LYPLAL1: variants seen among roughly 807,000 people sequenced by gnomAD.
The protein encoded by LYPLAL1 is lysophospholipase-like protein 1.
In LYPLAL1, 23 loss-of-function variants were observed where a neutral mutation model predicts 19.7. That is an observed-to-expected ratio of 1.17 (90% confidence interval 0.84 to 1.65). The LOEUF (loss-of-function observed/expected upper bound fraction) is 1.65, where lower values mean the gene tolerates loss of function less well. LYPLAL1 is among the 40% of genes most tolerant of loss of function. LYPLAL1 has a pLI of 0.00. For synonymous variants in LYPLAL1, 119 were observed against 96.3 expected (o/e 1.24, Z -1.38); for missense variants, 355 against 279.4 (o/e 1.27, Z -1.93).
chr1:219,385,996 G>T, the LYPLAL1 span, among the ~76,000 whole-genome samples: 1 of 152,134 alleles, frequency 6.6e-6, no homozygotes, highest in Admixed American at 6.5e-5. Context: ...ACTATCACCT[G>T]TGTGGTGAGA....
intron 3 of LYPLAL1, among the ~76,000 whole-genome samples, chr1:219,198,298 A>G (rs1657779419): frequency 6.6e-6 from 1 of 152,070 alleles, no homozygotes; most frequent in African/African-American, 2.4e-5. Context: ...AAAAAAAACT[A>G]TTATTAAACA....
chr1:219,309,040 C>T, the LYPLAL1 span, among the ~76,000 whole-genome samples: 1 of 152,190 alleles, frequency 6.6e-6, no homozygotes, highest in Admixed American at 6.5e-5. Context: ...CGGAATTGCC[C>T]AAGACCATGG....
the LYPLAL1 span, among the ~76,000 whole-genome samples, chr1:219,297,333 G>A: frequency 6.6e-6 from 1 of 152,164 alleles, no homozygotes; most frequent in Non-Finnish European, 1.5e-5. Flanking sequence ...AAGACTGATT[G>A]AATTCTTAGT....
At chr1:219,309,864 A>C in the LYPLAL1 span, among the ~76,000 whole-genome samples, 1 of 152,230 alleles carries the variant, frequency 6.6e-6, no homozygotes, top group Non-Finnish European at 1.5e-5. Context: ...GTTAGAACCC[A>C]GTTACTACCA....
At chr1:219,185,822 A>G (rs1656676760) in intron 2 of LYPLAL1, among the ~76,000 whole-genome samples, 1 of 151,964 alleles carries the variant, frequency 6.6e-6, no homozygotes, top group Non-Finnish European at 1.5e-5. Flanking sequence ...GGCAGCATGG[A>G]GGCTGGATTC....
the LYPLAL1 span, among the ~76,000 whole-genome samples, chr1:219,328,481 T>A: frequency 1.3e-5 from 2 of 152,166 alleles, no homozygotes; most frequent in Admixed American, 1.3e-4. Flanking sequence ...ACCAGAAGAA[T>A]TGTCAATTTC....
the LYPLAL1 span, among the ~76,000 whole-genome samples, chr1:219,239,019 G>A: frequency 1.3e-5 from 2 of 152,132 alleles, no homozygotes; most frequent in Non-Finnish European, 2.9e-5. Flanking sequence ...ATGAGGGTTT[G>A]TCCCAGGAAA....
chr1:219,262,679 A>G, the LYPLAL1 span, among the ~76,000 whole-genome samples: 1 of 152,146 alleles, frequency 6.6e-6, no homozygotes. Context: ...GAGTCCTGTG[A>G]TGTGATTCAT....
the LYPLAL1 span, among the ~76,000 whole-genome samples, chr1:219,370,728 G>A: frequency 2.0e-5 from 3 of 152,168 alleles, no homozygotes; most frequent in Non-Finnish European, 4.4e-5. Flanking sequence ...GAAAAGGAAT[G>A]CCATAGCTAT....
the LYPLAL1 span, among the ~76,000 whole-genome samples, chr1:219,306,734 A>ATG: frequency 7.3e-6 from 1 of 137,460 alleles, no homozygotes; most frequent in East Asian, 2.1e-4. Context: ...AGGTAGACAG[A>ATG]CAGATGCATA....
the LYPLAL1 span, among the ~76,000 whole-genome samples, chr1:219,424,512 A>G: frequency 6.6e-6 from 1 of 152,196 alleles, no homozygotes; most frequent in Non-Finnish European, 1.5e-5. Context: ...TTTCAGATGG[A>G]TGGAACCGGG....
At chr1:219,372,329 G>A in the LYPLAL1 span, among the ~76,000 whole-genome samples, 2 of 152,114 alleles carry the variant, frequency 1.3e-5, no homozygotes, top group Non-Finnish European at 2.9e-5. Flanking sequence ...CCTGATTTGA[G>A]GATTTTAGAA....
chr1:219,241,699 A>G, the LYPLAL1 span, among the ~76,000 whole-genome samples: 1 of 152,238 alleles, frequency 6.6e-6, no homozygotes, highest in Non-Finnish European at 1.5e-5. Flanking sequence ...TGAAATTATT[A>G]CTTACTAAGA....
At chr1:219,284,710 T>A in the LYPLAL1 span, among the ~76,000 whole-genome samples, 1 of 152,318 alleles carries the variant, frequency 6.6e-6, no homozygotes, top group South Asian at 2.1e-4. Flanking sequence ...GTTACTGTCT[T>A]TATTTTAAAG....
the LYPLAL1 span, among the ~76,000 whole-genome samples, chr1:219,308,795 C>T: frequency 1.3e-5 from 2 of 152,210 alleles, no homozygotes; most frequent in African/African-American, 4.8e-5. Flanking sequence ...AGGGCTCTCA[C>T]AGAGAACCTC....
chr1:219,174,200 C>G, intron 1 of LYPLAL1: 1 of 1,412,404 alleles, frequency 7.1e-7, no homozygotes, highest in East Asian at 2.6e-5. Context: ...ACTGGTCCAC[C>G]ACCCTCGCTT....
chr1:219,298,937 G>T, the LYPLAL1 span, among the ~76,000 whole-genome samples: 1 of 152,090 alleles, frequency 6.6e-6, no homozygotes, highest in African/African-American at 2.4e-5. Context: ...AATTCTTGAG[G>T]CATGACCTCC....
the LYPLAL1 span, among the ~76,000 whole-genome samples, chr1:219,366,027 C>G: frequency 6.6e-6 from 1 of 152,092 alleles, no homozygotes; most frequent in African/African-American, 2.4e-5. Flanking sequence ...TTCTGGTTAG[C>G]TAATTCTACA....
the LYPLAL1 span, among the ~76,000 whole-genome samples, chr1:219,430,810 G>T: frequency 1.3e-5 from 2 of 152,074 alleles, no homozygotes; most frequent in East Asian, 3.9e-4. Flanking sequence ...TCTTCAAATG[G>T]TCTATATCTA....
Sources: allele counts gnomAD v4.1 joint callset (sites outside exome capture counted in the v4.1 genomes callset), GRCh38; gene constraint gnomAD v4.1.1; transcripts MANE v1.5; gene names NCBI Gene and HGNC (gene_info 2026-07-23, HGNC 2026-07-21).